ARHGAP42: variants seen among roughly 807,000 people sequenced by gnomAD.
ARHGAP42 encodes rho GTPase-activating protein 42.
In ARHGAP42, 63 loss-of-function variants were observed where a neutral mutation model predicts 125.0. The ratio of observed to expected loss-of-function variants is 0.50; its 90% CI spans 0.41 to 0.62. The LOEUF (loss-of-function observed/expected upper bound fraction) is 0.62, where lower values mean the gene tolerates loss of function less well. Among genes scored for constraint, ARHGAP42 ranks in the 20% least tolerant of loss-of-function variants. ARHGAP42 has a pLI of 0.00. For missense variants in ARHGAP42, 766 were observed against 1,024.2 expected (o/e 0.75, Z 3.44); for synonymous variants, 339 against 351.0 (o/e 0.97, Z 0.38).
At chr11:100,776,288 T>C (rs1223594862) in intron 2 of ARHGAP42, among the ~76,000 whole-genome samples, 5 of 152,232 alleles carry the variant, frequency 3.3e-5, no homozygotes, top group Non-Finnish European at 5.9e-5. Flanking sequence ...CCAGTTGCGA[T>C]TGTGCGTAAA....
chr11:100,745,523 C>T (rs1354267945), intron 1 of ARHGAP42, among the ~76,000 whole-genome samples: 3 of 152,148 alleles, frequency 2.0e-5, no homozygotes, highest in African/African-American at 7.2e-5. Flanking sequence ...TATTCTTTTC[C>T]ATTTACTGAA....
chr11:100,987,008 G>T (rs1352423779), intron 22 of ARHGAP42, among the ~76,000 whole-genome samples: 1 of 152,044 alleles, frequency 6.6e-6, no homozygotes, highest in Non-Finnish European at 1.5e-5. Flanking sequence ...GCTATAGTTG[G>T]TTGCCATTTA....
chr11:100,720,993 A>G lies in ARHGAP42; in HGVS notation c.154+33161A>G, dbSNP rs993128116. ...ACTGAGCAGATAATACAGAATTACA[A>G]TATTACCCACCTCTTCCCTGCCCCC... On this transcript the variant is annotated intron_variant, in intron 1 of 23. Transcript: ENST00000298815. 4.6e-5 allele frequency among the ~76,000 whole-genome samples: 7 copies of G among 152,078 alleles called. No individual in the cohort carries two copies. In the East Asian group the frequency reaches 5.8e-4, roughly 13 times the overall value.
chr11:100,759,945 A>G (rs950628897), intron 1 of ARHGAP42, among the ~76,000 whole-genome samples: 3 of 152,220 alleles, frequency 2.0e-5, no homozygotes, highest in Non-Finnish European at 4.4e-5. Flanking sequence ...AACATATGGT[A>G]TCTGTAAATC....
At chr11:100,783,649 C>T (rs1036360201) in intron 2 of ARHGAP42, among the ~76,000 whole-genome samples, 5 of 152,196 alleles carry the variant, frequency 3.3e-5, no homozygotes, top group African/African-American at 1.2e-4. Flanking sequence ...TTGTCCTTCA[C>T]AGCCTGATAA....
At chr11:100,832,868 G>A (rs910439215) in intron 3 of ARHGAP42, among the ~76,000 whole-genome samples, 1 of 152,200 alleles carries the variant, frequency 6.6e-6, no homozygotes, top group African/African-American at 2.4e-5. Flanking sequence ...CTGAATCCAA[G>A]TAATTGGCTC....
chr11:100,832,569 G>A (rs1375914418), intron 3 of ARHGAP42, among the ~76,000 whole-genome samples: 1 of 152,186 alleles, frequency 6.6e-6, no homozygotes, highest in Non-Finnish European at 1.5e-5. Context: ...TGTCACATAT[G>A]AAGGTCAGGA....
intron 7 of ARHGAP42, among the ~76,000 whole-genome samples, chr11:100,934,351 A>G (rs1363533174): frequency 6.6e-6 from 1 of 152,118 alleles, no homozygotes; most frequent in Non-Finnish European, 1.5e-5. Context: ...GAACCTTGTT[A>G]CAATCTCAGC....
chr11:100,837,592 C>T (rs1293998449), intron 3 of ARHGAP42, among the ~76,000 whole-genome samples: 1 of 144,416 alleles, frequency 6.9e-6, no homozygotes, highest in Non-Finnish European at 1.5e-5. Context: ...ATAATGAAGG[C>T]ATGGAATATT....
intron 3 of ARHGAP42, among the ~76,000 whole-genome samples, chr11:100,810,234 A>G (rs1178082300): frequency 6.6e-6 from 1 of 152,218 alleles, no homozygotes; most frequent in East Asian, 1.9e-4. Context: ...GGGGAACTAA[A>G]TAAACAGAAA....
chr11:100,799,921 G>C (rs2135040871), intron 3 of ARHGAP42, among the ~76,000 whole-genome samples: 1 of 152,276 alleles, frequency 6.6e-6, no homozygotes, highest in Non-Finnish European at 1.5e-5. Flanking sequence ...GACAAGTGGA[G>C]AATAGTGTTA....
At chr11:100,705,866 G>A (rs10431109) in intron 1 of ARHGAP42, among the ~76,000 whole-genome samples, 9,467 of 151,752 alleles carry the variant, frequency 0.062, 417 homozygotes, top group East Asian at 0.21. Context: ...CCTGGCATAT[G>A]TTTAATGTTT....
At chr11:100,954,666 C>G (rs1010038715) in intron 12 of ARHGAP42, among the ~76,000 whole-genome samples, 9 of 152,006 alleles carry the variant, frequency 5.9e-5, no homozygotes, top group African/African-American at 2.2e-4. Context: ...CCATATAATC[C>G]CCTGATCTTT....
At position 100,962,402 on chromosome 11, in the gene ARHGAP42, G is replaced by A; in HGVS notation, c.1386-7G>A. On this transcript the variant is annotated splice_region_variant and splice_polypyrimidine_tract_variant and intron_variant, in intron 15 of 23. Transcript: ENST00000298815. ...ATTCTAACATGTGTTTCCTTTCTCT[G>A]TTGTAGGTGCCTTGCAGAACCACTG... The A allele has an allele frequency of 6.5e-7, 1 of 1,550,106 alleles. No individual in the cohort carries two copies.
At chr11:100,975,523 A>T (rs1858367002) in intron 19 of ARHGAP42, among the ~76,000 whole-genome samples, 1 of 152,202 alleles carries the variant, frequency 6.6e-6, no homozygotes, top group South Asian at 2.1e-4. Flanking sequence ...AAAGGAAAAA[A>T]GCCTTTGAAA....
intron 3 of ARHGAP42, among the ~76,000 whole-genome samples, chr11:100,856,677 G>T (rs1288998213): frequency 6.6e-6 from 1 of 152,070 alleles, no homozygotes; most frequent in East Asian, 1.9e-4. Context: ...GATAAGTTCT[G>T]TTATTAATCT....
intron 3 of ARHGAP42, among the ~76,000 whole-genome samples, chr11:100,853,001 A>ATC (rs950575181): frequency 6.6e-6 from 1 of 152,152 alleles, no homozygotes; most frequent in South Asian, 2.1e-4. Flanking sequence ...CATTTCTTAA[A>ATC]TCTCTCTCTG....
chr11:100,919,651 G>A (rs610055), intron 5 of ARHGAP42, among the ~76,000 whole-genome samples: 67,205 of 151,730 alleles, frequency 0.44, 16,356 homozygotes, highest in African/African-American at 0.62. Context: ...GTCCTCCCAC[G>A]TTGGCCTCTC....
rs576088891 is a variant in ARHGAP42 at position 100,989,750 on chromosome 11, A to G, written c.*949A>G. 6.6e-6 allele frequency: 1 copy of G among 152,346 alleles called. No individual in the cohort carries two copies. Among genetic ancestry groups the G allele is most frequent in the South Asian group, 2.1e-4 (1 of 4,832 alleles). 9.4% of individuals were successfully genotyped at this position (152,346 alleles called of 1,614,324 possible). ...TTAAATTCCACTTGGAAGATTGTAA[A>G]GTGTCAAAGTATTTTAATGATAATT... On this transcript the variant is annotated 3_prime_UTR_variant, in exon 24 of 24. Coordinates refer to ENST00000298815, the MANE Select transcript of ARHGAP42 (RefSeq NM_152432.4).
Sources: allele counts gnomAD v4.1 joint callset (sites outside exome capture counted in the v4.1 genomes callset), GRCh38; gene constraint gnomAD v4.1.1; transcripts MANE v1.5; gene names NCBI Gene and HGNC (gene_info 2026-07-23, HGNC 2026-07-21).